Variants in ANK3 observed in about 807,000 individuals in gnomAD.
ANK3 encodes ankyrin-3.
ANK3 carries 57 observed loss-of-function variants against 370.9 expected under a neutral mutation model. The observed-to-expected ratio is 0.15, with a 90% CI of 0.12 to 0.19. The LOEUF (loss-of-function observed/expected upper bound fraction) is 0.19. Ranked by LOEUF, ANK3 falls within the 10% of genes least tolerant of loss-of-function variation. The pLI, the probability that ANK3 is intolerant of heterozygous loss-of-function variation, is 1.00. For synonymous variants in ANK3, 1,929 were observed against 1,946.3 expected (o/e 0.99, Z 0.23); for missense variants, 4,439 against 5,302.1 (o/e 0.84, Z 5.06).
intron 1 of ANK3, among the ~76,000 whole-genome samples, chr10:60,363,579 G>A (rs2058958458): frequency 6.6e-6 from 1 of 152,170 alleles, no homozygotes; most frequent in African/African-American, 2.4e-5. Flanking sequence ...GGGGCGCGTG[G>A]CTAAGTGTAC....
At chr10:60,373,016 G>A (rs1398353287) in intron 1 of ANK3, among the ~76,000 whole-genome samples, 1 of 152,130 alleles carries the variant, frequency 6.6e-6, no homozygotes, top group Non-Finnish European at 1.5e-5. Flanking sequence ...TTATTGTAAA[G>A]CAATTTGAAA....
intron 1 of ANK3, among the ~76,000 whole-genome samples, chr10:60,325,622 C>A (rs1408903765): frequency 6.6e-6 from 1 of 152,198 alleles, no homozygotes; most frequent in African/African-American, 2.4e-5. Context: ...TCCCCTTAGA[C>A]ACAAGCTCCT....
At chr10:60,275,983 C>G (rs1485565783) in intron 4 of ANK3, among the ~76,000 whole-genome samples, 4 of 152,094 alleles carry the variant, frequency 2.6e-5, no homozygotes, top group Non-Finnish European at 4.4e-5. Context: ...TCTTTATAAT[C>G]ACAATTTAGT....
At chr10:60,343,223 T>C (rs2054652753) in intron 1 of ANK3, among the ~76,000 whole-genome samples, 1 of 152,180 alleles carries the variant, frequency 6.6e-6, no homozygotes, top group African/African-American at 2.4e-5. Context: ...AGATAATTTA[T>C]CACAGTAAAA....
At chr10:60,128,541 C>T (rs72820430) in intron 25 of ANK3, among the ~76,000 whole-genome samples, 28,956 of 151,770 alleles carry the variant, frequency 0.19, 3,166 homozygotes, top group East Asian at 0.48. Flanking sequence ...CACTACCACT[C>T]GGCTAATTTT....
intron 1 of ANK3, among the ~76,000 whole-genome samples, chr10:60,690,484 T>A (rs918512074): frequency 1.3e-5 from 2 of 152,246 alleles, no homozygotes; most frequent in African/African-American, 4.8e-5. Context: ...TTATTGAATT[T>A]TTTATGACAG....
chr10:60,627,122 C>T (rs1437904078), intron 1 of ANK3, among the ~76,000 whole-genome samples: 1 of 152,060 alleles, frequency 6.6e-6, no homozygotes, highest in African/African-American at 2.4e-5. Flanking sequence ...AATCCAGGGT[C>T]ACATCAGAAA....
intron 27 of ANK3, among the ~76,000 whole-genome samples, chr10:60,107,656 C>A (rs995117583): frequency 4.6e-5 from 7 of 152,196 alleles, no homozygotes; most frequent in Admixed American, 4.6e-4. Flanking sequence ...ATTTTCCCAA[C>A]ACTTTTCAAA....
intron 17 of ANK3, among the ~76,000 whole-genome samples, chr10:60,183,902 A>G (rs1209295148): frequency 6.6e-6 from 1 of 152,168 alleles, no homozygotes; most frequent in African/African-American, 2.4e-5. Flanking sequence ...AGAAAACATC[A>G]AATTAAAATA....
At chr10:60,085,679 G>A (rs574411150) in intron 30 of ANK3, among the ~76,000 whole-genome samples, 17 of 143,846 alleles carry the variant, frequency 1.2e-4, no homozygotes, top group Non-Finnish European at 1.9e-4. Flanking sequence ...GCAATGGTGC[G>A]ATCTCGGCTC....
intron 35 of ANK3, 41 bp from the exon 36 acceptor site, chr10:60,080,659 C>G: frequency 1.4e-6 from 2 of 1,430,408 alleles, no homozygotes; most frequent in Non-Finnish European, 1.9e-6. Context: ...TTTCCAACTT[C>G]CCTGTGACAT....
rs181854519 is a variant in ANK3, at chr10:60,486,513, G to C, written c.96+128673C>G. Among the ~76,000 whole-genome samples the C allele has an allele frequency of 4.9e-3, 740 of 152,344 alleles. 1 individual carries two copies. Among genetic ancestry groups the C allele is most frequent in the Non-Finnish European group, 8.0e-3 (542 of 68,028 alleles). ...GAGAATCACTTGAACCCAGGAGGCA[G>C]AGGTTGCAGTGAGCTGAGATCATGC... On this transcript the variant is annotated intron_variant, in intron 2 of 43. Transcript: ENST00000373827.
intron 37 of ANK3, 78 bp downstream of exon 37, chr10:60,068,559 G>A: frequency 6.9e-7 from 1 of 1,446,486 alleles, no homozygotes; most frequent in East Asian, 2.3e-5. Context: ...TCTACGAGTT[G>A]GAAAGTGTTT....
At chr10:60,173,252 C>G in intron 18 of ANK3, 66 bp from the exon 19 acceptor site, 1 of 1,255,576 alleles carries the variant, frequency 8.0e-7, no homozygotes, top group Admixed American at 2.3e-5. Context: ...CTATCCTAAA[C>G]AGAAGCAAAA....
chr10:60,086,618 A>T (rs531021921), intron 30 of ANK3, 59 bp downstream of exon 30: 32 of 1,427,630 alleles, frequency 2.2e-5, no homozygotes, highest in Admixed American at 6.2e-5. Context: ...GTACACAAAT[A>T]TATCTTTGTA....
intron 1 of ANK3, among the ~76,000 whole-genome samples, chr10:60,337,241 C>T (rs567069569): frequency 2.0e-5 from 3 of 152,112 alleles, no homozygotes; most frequent in South Asian, 4.1e-4. Context: ...AATACTAGTT[C>T]CCCAGCCCCA....
chr10:60,261,367 C>T (rs952971498), intron 7 of ANK3, among the ~76,000 whole-genome samples: 2 of 152,172 alleles, frequency 1.3e-5, no homozygotes, highest in African/African-American at 2.4e-5. Flanking sequence ...TCAGGTTACA[C>T]CAACTTGTTA....
chr10:60,475,127 T>C (rs1247915823), intron 2 of ANK3, among the ~76,000 whole-genome samples: 3 of 152,124 alleles, frequency 2.0e-5, no homozygotes, highest in Non-Finnish European at 2.9e-5. Context: ...GCACATTCAT[T>C]TGAAGGATTT....
Position 60,075,139 on chromosome 10 carries a change from C to A in ANK3, c.5742G>T (p.Arg1914=), listed in dbSNP as rs999711089. Residue 1914 remains arginine (R), a synonymous_variant, in exon 37 of 44, where the codon CGG becomes CGT. Transcript: ENST00000280772. ...DVAEMKEDLM[R]MTAILQTDVP... is the part of the protein sequence containing the mutation. Reference sequence around the variant, plus strand: ...CATCTGTCTGTAGTATTGCGGTCATCCGCATTAGGTCCTCTTTCATTTCAG... The same window carrying A: ...CATCTGTCTGTAGTATTGCGGTCATACGCATTAGGTCCTCTTTCATTTCAG... 1 of 1,614,112 alleles carries A rather than the reference C, an allele frequency of 6.2e-7. No individual in the cohort carries two copies. The highest frequency in any genetic ancestry group is 1.7e-5 in the Admixed American group (1 of 59,994).
Sources: allele counts gnomAD v4.1 joint callset (sites outside exome capture counted in the v4.1 genomes callset), GRCh38; gene constraint gnomAD v4.1.1; transcripts MANE v1.5; gene names NCBI Gene and HGNC (gene_info 2026-07-23, HGNC 2026-07-21).